Variants in CCDC85A observed in about 807,000 individuals in gnomAD.
The protein encoded by CCDC85A is coiled-coil domain containing 85A.
A neutral mutation model predicts 50.2 loss-of-function variants in CCDC85A; 38 were observed. The ratio of observed to expected loss-of-function variants is 0.76; its 90% CI spans 0.58 to 0.99. CCDC85A has a LOEUF of 0.99. Ranked by LOEUF, CCDC85A falls within the 50% of genes least tolerant of loss-of-function variation. CCDC85A has a pLI of 0.00. For missense variants in CCDC85A, 820 were observed against 742.0 expected, an observed-to-expected ratio of 1.11 and a Z score of -1.22; for synonymous variants, 366 against 301.4, an observed-to-expected ratio of 1.21 and a Z score of -2.22.
intron 2 of CCDC85A, among the ~76,000 whole-genome samples, chr2:56,300,941 A>C (rs899061910): frequency 6.6e-6 from 1 of 152,204 alleles, no homozygotes; most frequent in Non-Finnish European, 1.5e-5. Flanking sequence ...ACAAACTCCG[A>C]AGTTTAGTCT....
In CCDC85A at chr2:56,275,573, C is replaced by T. The variant is rs142738989; in HGVS notation, c.1241-67306C>T. Among the ~76,000 whole-genome samples, 871 of 152,238 alleles carry T rather than the reference C, an allele frequency of 5.7e-3. 3 individuals are homozygous for T. Among genetic ancestry groups the T allele is most frequent in the Middle Eastern group, 0.017 (5 of 294 alleles). ...TTGTCCACATTCTGTATTTACATCA[C>T]GTGGCAAAGAGTGAAAAATGGAAAT... On this transcript the variant is annotated intron_variant, in intron 2 of 5. Coordinates refer to ENST00000407595, the MANE Select transcript of CCDC85A (RefSeq NM_001080433.2).
At chr2:56,237,014 G>A (rs1669049212) in intron 2 of CCDC85A, among the ~76,000 whole-genome samples, 1 of 152,088 alleles carries the variant, frequency 6.6e-6, no homozygotes, top group Non-Finnish European at 1.5e-5. Context: ...TCATCAAAAT[G>A]TATTTCAGTT....
chr2:56,321,767 T>A (rs556627152), intron 2 of CCDC85A, among the ~76,000 whole-genome samples: 3 of 152,288 alleles, frequency 2.0e-5, no homozygotes, highest in Admixed American at 2.0e-4. Context: ...ACCAATGACT[T>A]TCTTCACAGA....
intron 2 of CCDC85A, among the ~76,000 whole-genome samples, chr2:56,326,761 GT>G (rs1312213435): frequency 2.6e-5 from 4 of 151,876 alleles, no homozygotes; most frequent in Non-Finnish European, 5.9e-5. Context: ...CTTTTTGACT[GT>G]TTTTCTGCAA....
At chr2:56,321,665 G>T (rs974463524) in intron 2 of CCDC85A, among the ~76,000 whole-genome samples, 5 of 152,064 alleles carry the variant, frequency 3.3e-5, no homozygotes, top group Non-Finnish European at 7.4e-5. Context: ...ATTGAAGAAC[G>T]TTCCATGCTC....
intron 3 of CCDC85A, among the ~76,000 whole-genome samples, chr2:56,370,283 T>C (rs1442938750): frequency 2.6e-5 from 4 of 152,110 alleles, no homozygotes; most frequent in South Asian, 2.1e-4. Flanking sequence ...AACACTGTAA[T>C]TGGTGATTGT....
chr2:56,266,655 G>T (rs1670462616), intron 2 of CCDC85A, among the ~76,000 whole-genome samples: 1 of 140,806 alleles, frequency 7.1e-6, no homozygotes, highest in African/African-American at 2.6e-5. Flanking sequence ...GAAAGCCTTG[G>T]GTTTTGCAGA....
intron 2 of CCDC85A, among the ~76,000 whole-genome samples, chr2:56,289,550 T>C (rs990384218): frequency 1.3e-5 from 2 of 152,084 alleles, no homozygotes; most frequent in African/African-American, 4.8e-5. Context: ...TGGGAGTCTA[T>C]GTAGTTTAGT....
chr2:56,248,119 T>C (rs1669590387), intron 2 of CCDC85A, among the ~76,000 whole-genome samples: 1 of 152,206 alleles, frequency 6.6e-6, no homozygotes, highest in African/African-American at 2.4e-5. Context: ...TTTCTAGATG[T>C]CTCAATTTCT....
chr2:56,304,945 A>AC (rs200192288), intron 2 of CCDC85A, among the ~76,000 whole-genome samples: 5 of 108,304 alleles, frequency 4.6e-5, no homozygotes, highest in East Asian at 2.8e-4. Flanking sequence ...CAAAAAAACA[A>AC]AAAAAAAAAA....
At chr2:56,267,079 AT>A (rs1432870420) in intron 2 of CCDC85A, among the ~76,000 whole-genome samples, 14 of 152,118 alleles carry the variant, frequency 9.2e-5, no homozygotes, top group Non-Finnish European at 2.9e-5. Flanking sequence ...GTTGTATGTA[AT>A]TATGGACAAT....
At chr2:56,362,659 C>T (rs770889060) in intron 3 of CCDC85A, among the ~76,000 whole-genome samples, 1 of 152,014 alleles carries the variant, frequency 6.6e-6, no homozygotes, top group Non-Finnish European at 1.5e-5. Flanking sequence ...CGCTCTGTCA[C>T]CCAGGCTGGA....
At chr2:56,219,276 C>A (rs963670904) in intron 2 of CCDC85A, among the ~76,000 whole-genome samples, 1 of 148,546 alleles carries the variant, frequency 6.7e-6, no homozygotes, top group African/African-American at 2.5e-5. Context: ...CTTCAGGAAC[C>A]CCTGCAGTAT....
chr2:56,245,875 C>T (rs931078817), intron 2 of CCDC85A, among the ~76,000 whole-genome samples: 2 of 152,176 alleles, frequency 1.3e-5, no homozygotes, highest in African/African-American at 4.8e-5. Flanking sequence ...AATGCCATCT[C>T]CTTGATCTTG....
intron 2 of CCDC85A, among the ~76,000 whole-genome samples, chr2:56,279,269 A>G (rs1354858909): frequency 6.6e-6 from 1 of 152,216 alleles, no homozygotes; most frequent in Non-Finnish European, 1.5e-5. Context: ...TTATGGAGTT[A>G]TAATTCACAT....
intron 2 of CCDC85A, among the ~76,000 whole-genome samples, chr2:56,283,071 A>C (rs1671277092): frequency 6.6e-6 from 1 of 152,158 alleles, no homozygotes; most frequent in Non-Finnish European, 1.5e-5. Context: ...TAGGATTTTT[A>C]TGTAAACAAT....
intron 2 of CCDC85A, among the ~76,000 whole-genome samples, chr2:56,339,466 T>C (rs1674248842): frequency 6.6e-6 from 1 of 152,188 alleles, no homozygotes. Context: ...ATCAGATATA[T>C]AAACTGCAAA....
At chr2:56,244,947 A>G (rs1669433788) in intron 2 of CCDC85A, among the ~76,000 whole-genome samples, 1 of 151,998 alleles carries the variant, frequency 6.6e-6, no homozygotes, top group Admixed American at 6.6e-5. Context: ...CAACTTTCAG[A>G]ACAAAGTCCT....
At chr2:56,202,163 T>G (rs1676772658) in intron 2 of CCDC85A, among the ~76,000 whole-genome samples, 1 of 152,068 alleles carries the variant, frequency 6.6e-6, no homozygotes, top group African/African-American at 2.4e-5. Context: ...GAGTGTGAGA[T>G]AAGATAAGTA....
Sources: allele counts gnomAD v4.1 joint callset (sites outside exome capture counted in the v4.1 genomes callset), GRCh38; gene constraint gnomAD v4.1.1; transcripts MANE v1.5; gene names NCBI Gene and HGNC (gene_info 2026-07-23, HGNC 2026-07-21).